Variants in GRIK4 observed in about 807,000 individuals in gnomAD.
The protein encoded by GRIK4 is glutamate receptor ionotropic, kainate 4.
In GRIK4, 40 loss-of-function variants were observed where a neutral mutation model predicts 104.9. The observed-to-expected ratio is 0.38, with a 90% confidence interval of 0.30 to 0.50. The LOEUF is 0.50. GRIK4 is among the 20% of genes least tolerant of loss of function. The probability of loss-of-function intolerance (pLI) is 0.93; values close to 1 mark genes in which losing one functional copy is unlikely to be tolerated. For synonymous variants in GRIK4, 485 were observed against 524.9 expected (o/e 0.92, Z 1.04); for missense variants, 1,047 against 1,308.1 (o/e 0.80, Z 3.08).
intron 4 of GRIK4, among the ~76,000 whole-genome samples, chr11:120,808,590 A>G (rs928575698): frequency 2.0e-5 from 3 of 152,172 alleles, no homozygotes; most frequent in Non-Finnish European, 4.4e-5. Flanking sequence ...TCATGCCCTC[A>G]CACACTTTCT....
At chr11:120,722,952 C>G (rs114707035) in intron 3 of GRIK4, among the ~76,000 whole-genome samples, 1 of 152,208 alleles carries the variant, frequency 6.6e-6, no homozygotes, top group African/African-American at 2.4e-5. Context: ...TGGTAACTAA[C>G]AGGGCTTTAT....
At chr11:120,608,495 T>G (rs1591734846) in intron 1 of GRIK4, among the ~76,000 whole-genome samples, 1 of 152,326 alleles carries the variant, frequency 6.6e-6, no homozygotes, top group Admixed American at 6.5e-5. Flanking sequence ...GGCTAAATGC[T>G]GTCATCAGTA....
At chr11:120,945,113 A>G (rs1943826547) in intron 14 of GRIK4, among the ~76,000 whole-genome samples, 2 of 152,154 alleles carry the variant, frequency 1.3e-5, no homozygotes, top group African/African-American at 4.8e-5. Context: ...TTTGCCTGCA[A>G]GCACCTTTGC....
rs910758605 is a variant in GRIK4 at position 120,939,924 on chromosome 11, G to A, written c.1477-423G>A. Among the ~76,000 whole-genome samples the A allele has an allele frequency of 5.3e-5, 8 of 151,834 alleles. No individual in the cohort carries two copies. Among genetic ancestry groups the A allele is most frequent in the African/African-American group, 7.3e-5 (3 of 41,290 alleles). On this transcript the variant is annotated intron_variant, in intron 13 of 20. Transcript: ENST00000527524. This position sits in a 1 kb window ranked among gnomAD's most constrained non-coding sequence, Gnocchi z 5.6. ...GAACTCAGGAGGCAGAGGTTGCGGC[G>A]AGCCGAGATGGCGCCACTGCACTCC...
chr11:120,785,029 A>AC (rs1273341569), intron 3 of GRIK4, among the ~76,000 whole-genome samples: 1 of 151,324 alleles, frequency 6.6e-6, no homozygotes, highest in Non-Finnish European at 1.5e-5. Context: ...CTTTGTCTGC[A>AC]CTAGACCTAT....
At chr11:120,561,210 C>G (rs1948233957) in intron 1 of GRIK4, among the ~76,000 whole-genome samples, 1 of 150,670 alleles carries the variant, frequency 6.6e-6, no homozygotes, top group African/African-American at 2.5e-5. Flanking sequence ...GGGGCAGGAG[C>G]AGGCCCTGGG....
intron 8 of GRIK4, among the ~76,000 whole-genome samples, chr11:120,844,941 T>C (rs553712679): frequency 1.1e-4 from 16 of 152,154 alleles, no homozygotes; most frequent in Non-Finnish European, 1.6e-4. Flanking sequence ...TTGTGACAAG[T>C]GGTCTCTCTG....
At chr11:120,568,916 AAAGTGGAAAAC>A (rs752256751) in intron 1 of GRIK4, among the ~76,000 whole-genome samples, 108 of 152,358 alleles carry the variant, frequency 7.1e-4, no homozygotes, top group Non-Finnish European at 1.3e-3. Flanking sequence ...TTGGGTTTGC[AAAGTGGAAAAC>A]AAAACAGAAC....
chr11:120,787,847 C>CTTCTTTTTTTTTTTTTTTTT (rs1565352273), intron 3 of GRIK4, among the ~76,000 whole-genome samples: 1 of 55,576 alleles, frequency 1.8e-5, no homozygotes, highest in African/African-American at 6.9e-5. Context: ...TTTTTCTTTT[C>CTTCTTTTTTTTTTTTTTTTT]TTTTCTTTTT....
chr11:120,783,693 C>T lies in GRIK4; in HGVS notation c.83-19000C>T, dbSNP rs540764924. Reference sequence around the variant, plus strand: ...GTAAGTGATATTTCTTTCCCCTCGTCCCTCTATGCATTTTGAATATTCTGA... The same window carrying T: ...GTAAGTGATATTTCTTTCCCCTCGTTCCTCTATGCATTTTGAATATTCTGA... On this transcript the variant is annotated intron_variant, in intron 3 of 20. Coordinates refer to ENST00000527524, the MANE Select transcript of GRIK4 (RefSeq NM_014619.5). Among the ~76,000 whole-genome samples the T allele has an allele frequency of 2.4e-4, 37 of 152,262 alleles. 1 individual carries two copies. Among genetic ancestry groups the T allele is most frequent in the Admixed American group, 2.4e-3 (36 of 15,296 alleles).
chr11:120,552,199 C>G (rs147918817), intron 1 of GRIK4, among the ~76,000 whole-genome samples: 1 of 152,200 alleles, frequency 6.6e-6, no homozygotes, highest in Non-Finnish European at 1.5e-5. Context: ...ACTGAGCCCT[C>G]ACCCAGTGGG....
chr11:120,768,054 G>T (rs1951870449), intron 3 of GRIK4, among the ~76,000 whole-genome samples: 1 of 149,732 alleles, frequency 6.7e-6, no homozygotes. Context: ...GTGATCCCAT[G>T]GAAATTTTAG....
chr11:120,584,214 A>G (rs1948626611), intron 1 of GRIK4, among the ~76,000 whole-genome samples: 1 of 152,188 alleles, frequency 6.6e-6, no homozygotes, highest in African/African-American at 2.4e-5. Flanking sequence ...GTCTTGTTCT[A>G]GTACTGCAGG....
chr11:120,604,890 T>C (rs1007731814), intron 1 of GRIK4, among the ~76,000 whole-genome samples: 2 of 152,186 alleles, frequency 1.3e-5, no homozygotes, highest in Non-Finnish European at 2.9e-5. Context: ...TGAGACAGGG[T>C]CTCACTCTGT....
chr11:120,934,204 CAAAAAA>C (rs35705174), intron 13 of GRIK4, among the ~76,000 whole-genome samples: 1 of 54,244 alleles, frequency 1.8e-5, no homozygotes, highest in African/African-American at 8.5e-5. Context: ...GACTCCGTCT[CAAAAAA>C]AAAAAAAAAA....
intron 8 of GRIK4, among the ~76,000 whole-genome samples, chr11:120,857,502 GCA>G (rs60629273): frequency 0.19 from 28,782 of 150,004 alleles, 2,777 homozygotes; most frequent in South Asian, 0.22. Context: ...ATGCACACAT[GCA>G]CACACACACA....
At chr11:120,564,337 T>G (rs1036664264) in intron 1 of GRIK4, 1 of 152,202 alleles carries the variant, frequency 6.6e-6, no homozygotes, top group Admixed American at 6.5e-5. Flanking sequence ...AACTTATTAG[T>G]GTGCGCTCGC....
At position 120,986,317 on chromosome 11, in the gene GRIK4, C is replaced by A; in HGVS notation, c.*57C>A. 2.6e-6 allele frequency: 3 copies of A among 1,143,118 alleles called. No homozygotes were observed. The highest frequency in any genetic ancestry group is 2.4e-6 in the Non-Finnish European group (2 of 850,866). 70.8% of individuals were successfully genotyped at this position (1,143,118 alleles called of 1,614,324 possible). ...GCGGGGCGGGAGGGGAGGGGCGGGG[C>A]GGGCGCTGCTGTCAGCCGCCAGCCG... is the stretch of plus-strand genomic sequence containing the variant. On this transcript the variant is annotated 3_prime_UTR_variant, in exon 21 of 21. Coordinates refer to ENST00000527524, the MANE Select transcript of GRIK4 (RefSeq NM_014619.5).
intron 13 of GRIK4, among the ~76,000 whole-genome samples, chr11:120,926,044 A>G (rs1364283264): frequency 3.3e-5 from 5 of 152,170 alleles, no homozygotes; most frequent in African/African-American, 9.7e-5. Flanking sequence ...GAAAACTCAG[A>G]TAGGATTCAA....
Sources: allele counts gnomAD v4.1 joint callset (sites outside exome capture counted in the v4.1 genomes callset), GRCh38; gene constraint gnomAD v4.1.1; non-coding constraint Gnocchi (gnomAD v3.1); transcripts MANE v1.5; gene names NCBI Gene and HGNC (gene_info 2026-07-23, HGNC 2026-07-21).